Variants in RDX observed in about 807,000 individuals in gnomAD.
RDX encodes the protein deafness, autosomal recessive 24.
Under a neutral mutation model 83.7 loss-of-function variants are expected in RDX, and 32 were observed. The observed-to-expected ratio is 0.38, with a 90% CI of 0.29 to 0.51. The LOEUF is 0.51. Among genes scored for constraint, RDX ranks in the 20% least tolerant of loss-of-function variants. The probability of loss-of-function intolerance (pLI) is 0.87; values close to 1 mark genes in which losing one functional copy is unlikely to be tolerated. For synonymous variants in RDX, 229 were observed against 222.7 expected (o/e 1.03, Z -0.25); for missense variants, 600 against 689.9 (o/e 0.87, Z 1.46).
At chr11:110,219,133 G>A (rs1050232698) in intron 14 of RDX, among the ~76,000 whole-genome samples, 2 of 152,280 alleles carry the variant, frequency 1.3e-5, no homozygotes, top group African/African-American at 4.8e-5. Context: ...TGTAAAAGGC[G>A]GCCTCATTGA....
chr11:110,293,013 T>C (rs1390101838), intron 1 of RDX, among the ~76,000 whole-genome samples: 7 of 152,316 alleles, frequency 4.6e-5, no homozygotes, highest in South Asian at 2.1e-4. Flanking sequence ...ACAAACAAAT[T>C]TGCACATACA....
At chr11:110,257,124 C>A (rs560921410) in intron 7 of RDX, among the ~76,000 whole-genome samples, 13 of 150,202 alleles carry the variant, frequency 8.7e-5, no homozygotes, top group Non-Finnish European at 1.5e-4. Context: ...TAGTATTTAC[C>A]CATGTATTTG....
chr11:110,236,377 G>GGCT, intron 11 of RDX, 186 bp from the exon 12 acceptor site: 1 of 548,150 alleles, frequency 1.8e-6, no homozygotes, highest in Non-Finnish European at 3.2e-6. Context: ...AATGAGCTAA[G>GGCT]GAGACAAAAT....
chr11:110,184,159 T>A (rs1270711084), intron 15 of RDX, among the ~76,000 whole-genome samples: 1 of 152,196 alleles, frequency 6.6e-6, no homozygotes, highest in Non-Finnish European at 1.5e-5. Context: ...AATCTGGCGC[T>A]GGAGACGGAG....
At chr11:110,217,561 A>G (rs1282599552) in intron 14 of RDX, among the ~76,000 whole-genome samples, 1 of 152,186 alleles carries the variant, frequency 6.6e-6, no homozygotes, top group Non-Finnish European at 1.5e-5. Flanking sequence ...AGACTTTCCT[A>G]ACCGACAGCC....
At chr11:110,295,886 C>A (rs1053425342) in intron 1 of RDX, among the ~76,000 whole-genome samples, 14 of 152,028 alleles carry the variant, frequency 9.2e-5, no homozygotes, top group Admixed American at 4.6e-4. Flanking sequence ...GCGGCGGGAG[C>A]GACTGGCGCC....
At chr11:110,291,161 T>C (rs1336443967) in intron 1 of RDX, among the ~76,000 whole-genome samples, 3 of 151,918 alleles carry the variant, frequency 2.0e-5, no homozygotes, top group Non-Finnish European at 4.4e-5. Flanking sequence ...ACTGTATCTC[T>C]AAAAAAAATT....
At chr11:110,227,344 G>A (rs1166768006), downstream of RDX, among the ~76,000 whole-genome samples, 1 of 152,014 alleles carries the variant, frequency 6.6e-6, no homozygotes, top group African/African-American at 2.4e-5. Flanking sequence ...TGGACATTTG[G>A]CTATACTGAT....
chr11:110,294,600 G>A (rs745641276), intron 1 of RDX, among the ~76,000 whole-genome samples: 5 of 151,796 alleles, frequency 3.3e-5, no homozygotes, highest in Non-Finnish European at 5.9e-5. Context: ...AAGACAACGC[G>A]TTCCCCATCC....
At chr11:110,277,412 T>C (rs967467555) in intron 2 of RDX, among the ~76,000 whole-genome samples, 2 of 152,120 alleles carry the variant, frequency 1.3e-5, no homozygotes, top group African/African-American at 4.8e-5. Context: ...CTTCGCCTCC[T>C]GGATTCAAGC....
rs542798572 is a variant in RDX at position 110,233,153 on chromosome 11, A to G, written c.1587+84T>C. 47 of 1,541,244 alleles carry G rather than the reference A, an allele frequency of 3.0e-5. 1 individual carries two copies. Among genetic ancestry groups the G allele is most frequent in the Non-Finnish European group, 2.7e-5 (30 of 1,118,326 alleles). ...AAGGGCAGCCAGTATTAAAACTTCT[A>G]TATTCTTTTTAACTAAGTTTGTCTA... On this transcript the variant is annotated intron_variant, in intron 13 of 13. Transcript: ENST00000645495.
At chr11:110,265,862 TTATC>T (rs1463930695) in intron 3 of RDX, among the ~76,000 whole-genome samples, 1 of 152,186 alleles carries the variant, frequency 6.6e-6, no homozygotes, top group African/African-American at 2.4e-5. Flanking sequence ...CCATAGGACT[TTATC>T]TATCCTGCTA....
chr11:110,246,452 A>C (rs1200007721), intron 10 of RDX, among the ~76,000 whole-genome samples: 1 of 152,086 alleles, frequency 6.6e-6, no homozygotes, highest in Admixed American at 6.6e-5. Context: ...AAAATCCAAA[A>C]CTTTTTAAGC....
In RDX at chr11:110,295,230, A is replaced by G. The variant is rs565213585; in HGVS notation, c.-65+1237T>C. On this transcript the variant is annotated intron_variant, in intron 1 of 13. Coordinates refer to ENST00000645495, the MANE Select transcript of RDX (RefSeq NM_002906.4). ...GCTGTTTTGGCAAATGGATCAAGCC[A>G]TTATTTATCCAGCAACATGAACGGG... is the stretch of plus-strand genomic sequence containing the variant. 4.4e-4 allele frequency among the ~76,000 whole-genome samples: 66 copies of G among 151,358 alleles called. No homozygotes were observed. In the South Asian group the frequency reaches 0.014, roughly 32 times the overall value.
chr11:110,253,291 A>T lies in RDX; in HGVS notation c.959+655T>A, dbSNP rs577948877. Among the ~76,000 whole-genome samples the T allele has an allele frequency of 1.4e-4, 21 of 152,258 alleles. No individual in the cohort carries two copies. The East Asian group carries it at 4.0e-3, about 29-fold the overall frequency. On this transcript the variant is annotated intron_variant, in intron 9 of 13. Transcript: ENST00000645495. ...ACGTTGTTCCATAAAGATTTATTCA[A>T]TAAAGGTTAACTTTAGTTTGGTCTC...
At chr11:110,285,080 A>G (rs1406182595) in intron 1 of RDX, among the ~76,000 whole-genome samples, 1 of 152,154 alleles carries the variant, frequency 6.6e-6, no homozygotes, top group Non-Finnish European at 1.5e-5. Flanking sequence ...TGATTAATGG[A>G]AAATATTTAT....
At chr11:110,285,089 A>G (rs902488403) in intron 1 of RDX, among the ~76,000 whole-genome samples, 8 of 152,144 alleles carry the variant, frequency 5.3e-5, no homozygotes, top group Admixed American at 3.3e-4. Context: ...GAAAATATTT[A>G]TATCAAGAGA....
intron 14 of RDX, among the ~76,000 whole-genome samples, chr11:110,207,376 T>G (rs1863644874): frequency 6.6e-6 from 1 of 152,222 alleles, no homozygotes; most frequent in Non-Finnish European, 1.5e-5. Flanking sequence ...GTGATTCTGA[T>G]GCACGCTAGT....
intron 10 of RDX, among the ~76,000 whole-genome samples, chr11:110,242,865 CTT>C (rs760598960): frequency 3.6e-5 from 5 of 138,928 alleles, no homozygotes; most frequent in Admixed American, 7.3e-5. Context: ...CAATCCAATG[CTT>C]TTTTTTTTTT....
Sources: gnomAD v4.1 joint callset for allele counts (sites outside exome capture counted in the v4.1 genomes callset) on GRCh38, gnomAD v4.1.1 for gene constraint, MANE v1.5 for transcripts, NCBI Gene and HGNC (gene_info 2026-07-23, HGNC 2026-07-21) for gene names.